The following CNBD1 variants were observed in gnomAD, a reference collection of about 807,000 sequenced individuals.
CNBD1 encodes the protein cyclic nucleotide binding domain containing 1, also known as cyclic nucleotide-binding domain-containing protein 1.
A neutral mutation model predicts 54.4 loss-of-function variants in CNBD1; 71 were observed. That is an observed-to-expected ratio of 1.30 (90% CI 1.08 to 1.59). The LOEUF (loss-of-function observed/expected upper bound fraction) is 1.59. Among genes scored for constraint, CNBD1 ranks in the 40% most tolerant of loss-of-function variants. The pLI is 0.00. For synonymous variants in CNBD1, 182 were observed against 170.7 expected, an observed-to-expected ratio of 1.07 and a Z score of -0.51; for missense variants, 659 against 518.0, an observed-to-expected ratio of 1.27 and a Z score of -2.64.
intron 4 of CNBD1, among the ~76,000 whole-genome samples, chr8:87,064,839 CTT>C (rs1169227086): frequency 6.6e-6 from 1 of 151,880 alleles, no homozygotes; most frequent in African/African-American, 2.4e-5. Context: ...TCTTTCATCA[CTT>C]TAGTACAACA....
intron 4 of CNBD1, among the ~76,000 whole-genome samples, chr8:87,129,246 ACTT>A (rs1314013728): frequency 3.3e-5 from 5 of 151,894 alleles, no homozygotes; most frequent in African/African-American, 9.7e-5. Context: ...AATTAATACT[ACTT>A]CTTCCTAAAA....
intron 6 of CNBD1, among the ~76,000 whole-genome samples, chr8:87,282,877 T>C (rs954376776): frequency 6.6e-6 from 1 of 152,000 alleles, no homozygotes; most frequent in Admixed American, 6.6e-5. Flanking sequence ...AGGAGAAAGA[T>C]TAGGAGAATA....
At chr8:87,267,394 G>T (rs981194803) in intron 6 of CNBD1, among the ~76,000 whole-genome samples, 1 of 152,220 alleles carries the variant, frequency 6.6e-6, no homozygotes, top group African/African-American at 2.4e-5. Context: ...TAATGATGGA[G>T]AAATTGTGAA....
chr8:87,417,738 T>G (rs1807860184), intron 2 of CNBD1, among the ~76,000 whole-genome samples: 1 of 151,902 alleles, frequency 6.6e-6, no homozygotes, highest in Admixed American at 6.6e-5. Context: ...TTAATTTCAT[T>G]TATGATAGTA....
At chr8:87,116,668 C>A (rs923665444) in intron 4 of CNBD1, among the ~76,000 whole-genome samples, 3 of 152,130 alleles carry the variant, frequency 2.0e-5, no homozygotes, top group African/African-American at 7.2e-5. Flanking sequence ...CTCCTCCCCA[C>A]CTAGTCCTCC....
chr8:87,202,550 A>G (rs1207757322), intron 4 of CNBD1, among the ~76,000 whole-genome samples: 1 of 152,190 alleles, frequency 6.6e-6, no homozygotes, highest in Non-Finnish European at 1.5e-5. Context: ...CACTGACCTC[A>G]TGTTACATCC....
chr8:87,079,208 T>G (rs1810937413), intron 4 of CNBD1, among the ~76,000 whole-genome samples: 1 of 152,138 alleles, frequency 6.6e-6, no homozygotes, highest in Non-Finnish European at 1.5e-5. Context: ...TAATAATGAA[T>G]AGTTTTTTAT....
intron 6 of CNBD1, among the ~76,000 whole-genome samples, chr8:87,279,563 A>T (rs1808551977): frequency 6.6e-6 from 1 of 151,408 alleles, no homozygotes; most frequent in Non-Finnish European, 1.5e-5. Context: ...CAGAAGGCCA[A>T]AGTAGCTGTA....
intron 4 of CNBD1, among the ~76,000 whole-genome samples, chr8:86,972,463 T>C (rs557867288): frequency 3.3e-5 from 5 of 152,228 alleles, no homozygotes; most frequent in Non-Finnish European, 7.3e-5. Context: ...TTTGTAGATA[T>C]AACATCATGA....
intron 4 of CNBD1, among the ~76,000 whole-genome samples, chr8:86,979,795 G>A (rs533933755): frequency 6.6e-6 from 1 of 152,226 alleles, no homozygotes; most frequent in Non-Finnish European, 1.5e-5. Context: ...TGATCTCAAA[G>A]CATCAGCTTG....
intron 6 of CNBD1, among the ~76,000 whole-genome samples, chr8:87,266,245 C>A (rs1181097095): frequency 6.6e-6 from 1 of 150,690 alleles, no homozygotes; most frequent in Non-Finnish European, 1.5e-5. Flanking sequence ...AAAACTATAC[C>A]AAAGAGCAAA....
At chr8:87,032,762 A>G (rs1809822734) in intron 4 of CNBD1, among the ~76,000 whole-genome samples, 1 of 152,200 alleles carries the variant, frequency 6.6e-6, no homozygotes, top group South Asian at 2.1e-4. Context: ...TCAATGTCAT[A>G]AAAGAGTAAA....
intron 4 of CNBD1, among the ~76,000 whole-genome samples, chr8:86,972,280 A>C (rs756203926): frequency 1.3e-5 from 2 of 152,164 alleles, no homozygotes; most frequent in African/African-American, 2.4e-5. Flanking sequence ...ATAGTATTAA[A>C]TAATTATGAC....
At chr8:87,385,683 C>A (rs188033990), downstream of CNBD1, among the ~76,000 whole-genome samples, 274 of 152,268 alleles carry the variant, frequency 1.8e-3, 3 homozygotes, top group Admixed American at 0.017. Flanking sequence ...TAGACTCCAC[C>A]TCTGGGGGCA....
chr8:87,003,319 C>T (rs969503423), intron 4 of CNBD1, among the ~76,000 whole-genome samples: 3 of 151,978 alleles, frequency 2.0e-5, no homozygotes, highest in African/African-American at 7.3e-5. Flanking sequence ...AGAATGATTC[C>T]TGATTTTGCA....
intron 4 of CNBD1, among the ~76,000 whole-genome samples, chr8:87,124,811 G>T (rs79530694): frequency 0.13 from 19,037 of 151,630 alleles, 1,428 homozygotes; most frequent in East Asian, 0.2. Flanking sequence ...GAGCAATTAG[G>T]CAAGAGAAAG....
chr8:87,270,313 G>T (rs1481916889), intron 6 of CNBD1, among the ~76,000 whole-genome samples: 1 of 151,700 alleles, frequency 6.6e-6, no homozygotes, highest in African/African-American at 2.4e-5. Context: ...GACATAAACA[G>T]ACACTTTTCA....
At chr8:86,967,596 A>T (rs1808114335) in intron 4 of CNBD1, among the ~76,000 whole-genome samples, 1 of 152,212 alleles carries the variant, frequency 6.6e-6, no homozygotes, top group Non-Finnish European at 1.5e-5. Flanking sequence ...CATCAAAAGC[A>T]TTCTTTCTTT....
chr8:87,129,091 AG>A lies in CNBD1; in HGVS notation c.432-76901del, dbSNP rs1418280586. On this transcript the variant is annotated intron_variant, in intron 4 of 10. Transcript: ENST00000518476. ...CCTCAAAAAAAAAAAAAAAAAAAAAAGAATTTTGCTATCTTCAGAAGGATAT... is the reference window on the plus strand; with the variant it reads ...CCTCAAAAAAAAAAAAAAAAAAAAAAAATTTTGCTATCTTCAGAAGGATAT... Among the ~76,000 whole-genome samples, 546 of 136,646 alleles carry A rather than the reference AG, an allele frequency of 4.0e-3. 35 individuals carry two copies. The highest frequency in any genetic ancestry group is 0.011 in the African/African-American group (351 of 32,368). 89.6% of individuals were successfully genotyped at this position (136,646 alleles called of 152,430 possible).
Sources: gnomAD v4.1 joint callset for allele counts (sites outside exome capture counted in the v4.1 genomes callset) on GRCh38, gnomAD v4.1.1 for gene constraint, MANE v1.5 for transcripts, NCBI Gene and HGNC (gene_info 2026-07-23, HGNC 2026-07-21) for gene names.